RARB: variants seen among roughly 807,000 people sequenced by gnomAD.
The protein encoded by RARB is HBV-activated protein.
In RARB, 17 loss-of-function variants were observed where a neutral mutation model predicts 51.9. That is an observed-to-expected ratio of 0.33 (90% CI 0.22 to 0.49). RARB has a LOEUF of 0.49. Ranked by LOEUF, RARB falls within the 20% of genes least tolerant of loss-of-function variation. The pLI is 0.99. For synonymous variants in RARB, 215 were observed against 195.4 expected, an observed-to-expected ratio of 1.10 and a Z score of -0.84; for missense variants, 369 against 550.8, an observed-to-expected ratio of 0.67 and a Z score of 3.30.
At chr3:24,981,100 G>A (rs892584741) in intron 2 of RARB, among the ~76,000 whole-genome samples, 2 of 152,208 alleles carry the variant, frequency 1.3e-5, no homozygotes, top group African/African-American at 4.8e-5. Flanking sequence ...AGCGGAGGCT[G>A]CAGAACAGCA....
At position 25,594,502 on chromosome 3, in the gene RARB, T is replaced by C. The variant is rs1210248729; in HGVS notation, c.992-18T>C. 6.3e-7 allele frequency: 1 copy of C among 1,590,442 alleles called. No homozygotes were observed. Among genetic ancestry groups the C allele is most frequent in the East Asian group, 2.2e-5 (1 of 44,662 alleles). ...CATAAATCCTGATTTTGTTTAATACTTTATTCCTGGTATCCAGACCGCCAG... is the reference window on the plus strand; with the variant it reads ...CATAAATCCTGATTTTGTTTAATACCTTATTCCTGGTATCCAGACCGCCAG... On this transcript the variant is annotated intron_variant, in intron 6 of 7. Transcript: ENST00000330688.
chr3:25,137,627 A>G lies in RARB; in HGVS notation c.-280+5419A>G, dbSNP rs188669786. On this transcript the variant is annotated intron_variant, in intron 4 of 11. Coordinates refer to the RARB transcript ENST00000383772. ...AATCACTCTTATTGAATTTAACTGT[A>G]ATTCTCAATTTCTAGTGGAAATTAA... Among the ~76,000 whole-genome samples the G allele has an allele frequency of 5.7e-3, 862 of 152,268 alleles. 4 individuals are homozygous for G. The highest frequency in any genetic ancestry group is 0.014 in the Middle Eastern group (4 of 294).
At chr3:25,476,905 A>G (rs1172266253) in intron 2 of RARB, among the ~76,000 whole-genome samples, 1 of 152,212 alleles carries the variant, frequency 6.6e-6, no homozygotes, top group Non-Finnish European at 1.5e-5. Flanking sequence ...TGAGAATAGG[A>G]ACTTTGTAAG....
At chr3:25,297,341 C>T (rs1703937434) in intron 5 of RARB, among the ~76,000 whole-genome samples, 1 of 150,886 alleles carries the variant, frequency 6.6e-6, no homozygotes, top group Non-Finnish European at 1.5e-5. Context: ...TCACTTAGCC[C>T]TACAACCTTT....
chr3:25,170,720 T>C (rs926186005), intron 4 of RARB, among the ~76,000 whole-genome samples: 4 of 152,202 alleles, frequency 2.6e-5, no homozygotes, highest in African/African-American at 9.7e-5. Context: ...TAAAAATGTT[T>C]TCATAGAACA....
At chr3:25,106,584 T>G (rs1699509035) in intron 3 of RARB, among the ~76,000 whole-genome samples, 1 of 151,522 alleles carries the variant, frequency 6.6e-6, no homozygotes, top group Admixed American at 6.6e-5. Context: ...TTTACAGGCA[T>G]GAGCCCATGG....
chr3:25,380,859 C>A (rs1048601005), intron 5 of RARB, among the ~76,000 whole-genome samples: 2 of 152,100 alleles, frequency 1.3e-5, no homozygotes, highest in Admixed American at 6.5e-5. Flanking sequence ...TTTCTATTTT[C>A]TCAGTATGAC....
chr3:25,166,589 ATC>A (rs1213738359), intron 4 of RARB, among the ~76,000 whole-genome samples: 3 of 152,130 alleles, frequency 2.0e-5, no homozygotes, highest in Middle Eastern at 3.2e-3. Context: ...CATTGAAAAA[ATC>A]TCTCTTTTTC....
chr3:24,864,885 A>G (rs191377348), intron 2 of RARB, among the ~76,000 whole-genome samples: 20 of 152,320 alleles, frequency 1.3e-4, no homozygotes, highest in Admixed American at 5.9e-4. Context: ...AAAGTTTTTG[A>G]TTCAAGTTAT....
At position 25,080,955 on chromosome 3, in the gene RARB, TTGA is replaced by T. The variant is rs1409714545; in HGVS notation, c.-328+20782_-328+20784del. Among the ~76,000 whole-genome samples, 8 of 152,260 alleles carry T rather than the reference TTGA, an allele frequency of 5.3e-5. No homozygotes were observed. In the East Asian group the frequency reaches 7.7e-4, roughly 15 times the overall value. The stretch of plus-strand genomic sequence containing the variant: ...AATTTTTAAAAAACTTTTGATTTTG[TTGA>T]TGTTTCTGTATTTTGCTTGCCTTTT... On this transcript the variant is annotated intron_variant, in intron 3 of 11. Transcript: ENST00000383772.
At chr3:25,156,483 T>G (rs902425910) in intron 4 of RARB, among the ~76,000 whole-genome samples, 1 of 115,004 alleles carries the variant, frequency 8.7e-6, no homozygotes, top group African/African-American at 3.3e-5. Context: ...TCATTTTAAC[T>G]GACTCTAATC....
At position 25,269,008 on chromosome 3, in the gene RARB, G is replaced by A. The variant is rs144105715; in HGVS notation, c.178+94433G>A. ...TCAATAAAGATTTGAGCAATAAATG[G>A]ATAAAGTATAAATATTCTCTTCCAA... On this transcript the variant is annotated intron_variant, in intron 5 of 11. Coordinates refer to the RARB transcript ENST00000383772. Among the ~76,000 whole-genome samples, 353 of 152,158 alleles carry A rather than the reference G, an allele frequency of 2.3e-3. 5 individuals carry two copies. Among genetic ancestry groups the A allele is most frequent in the African/African-American group, 7.9e-3 (326 of 41,520 alleles).
chr3:24,950,179 G>A (rs1242407910), intron 2 of RARB, among the ~76,000 whole-genome samples: 2 of 151,960 alleles, frequency 1.3e-5, no homozygotes, highest in African/African-American at 4.8e-5. Flanking sequence ...TGTTTTCTTC[G>A]GAATTAATAG....
chr3:25,546,095 C>G (rs551284520), intron 3 of RARB, among the ~76,000 whole-genome samples: 1 of 152,020 alleles, frequency 6.6e-6, no homozygotes, highest in East Asian at 1.9e-4. Flanking sequence ...AGTGCAGAAG[C>G]GCTTAGCTAG....
chr3:25,516,569 G>C (rs930984696), intron 3 of RARB, among the ~76,000 whole-genome samples: 3 of 151,144 alleles, frequency 2.0e-5, no homozygotes, highest in East Asian at 1.9e-4. Context: ...GTTAAAAAAA[G>C]CCATCAGAGT....
chr3:25,313,757 A>C (rs1704347587), intron 5 of RARB, among the ~76,000 whole-genome samples: 1 of 152,174 alleles, frequency 6.6e-6, no homozygotes, highest in African/African-American at 2.4e-5. Flanking sequence ...TACAAAAGGA[A>C]GTATTTATTT....
At chr3:25,091,985 G>A (rs932595311) in intron 3 of RARB, among the ~76,000 whole-genome samples, 1 of 152,162 alleles carries the variant, frequency 6.6e-6, no homozygotes, top group Non-Finnish European at 1.5e-5. Flanking sequence ...CTCAAATTAA[G>A]AAACCAGTTG....
chr3:25,316,729 T>C, intron 5 of RARB, among the ~76,000 whole-genome samples: 1 of 151,560 alleles, frequency 6.6e-6, no homozygotes, highest in Admixed American at 6.6e-5. Flanking sequence ...ATAGACTGGA[T>C]TGCAAGGGAC....
At chr3:25,014,716 G>A (rs770799167) in intron 2 of RARB, among the ~76,000 whole-genome samples, 1 of 152,000 alleles carries the variant, frequency 6.6e-6, no homozygotes, top group African/African-American at 2.4e-5. Context: ...TAGAGGACTG[G>A]CATAGTCTTG....
Sources: gnomAD v4.1 joint callset for allele counts (sites outside exome capture counted in the v4.1 genomes callset) on GRCh38, gnomAD v4.1.1 for gene constraint, MANE v1.5 for transcripts, NCBI Gene and HGNC (gene_info 2026-07-23, HGNC 2026-07-21) for gene names.